Variants in UNC13C observed in about 807,000 individuals in gnomAD.
UNC13C encodes the protein protein unc-13 homolog C.
UNC13C carries 174 observed loss-of-function variants against 245.4 expected under a neutral mutation model. That is an observed-to-expected ratio of 0.71 (90% CI 0.63 to 0.80). UNC13C has a LOEUF of 0.80. UNC13C is among the 30% of genes least tolerant of loss of function. The pLI, the probability that UNC13C is intolerant of heterozygous loss-of-function variation, is 0.00. For synonymous variants in UNC13C, 992 were observed against 895.1 expected (o/e 1.11, Z -1.93); for missense variants, 2,829 against 2,602.9 (o/e 1.09, Z -1.89).
At chr15:53,901,272 T>G in the UNC13C span, among the ~76,000 whole-genome samples, 6 of 148,096 alleles carry the variant, frequency 4.1e-5, no homozygotes, top group Non-Finnish European at 8.9e-5. Context: ...CAGGCTGGAG[T>G]GCAGTGGCAC....
chr15:54,563,398 CA>C (rs1758017464), intron 29 of UNC13C, among the ~76,000 whole-genome samples: 2 of 152,014 alleles, frequency 1.3e-5, no homozygotes, highest in African/African-American at 4.8e-5. Context: ...TGAGAGGTTA[CA>C]AATTCTTTTC....
chr15:54,168,283 AT>A (rs748834359), intron 4 of UNC13C, among the ~76,000 whole-genome samples: 1 of 152,210 alleles, frequency 6.6e-6, no homozygotes, highest in Non-Finnish European at 1.5e-5. Flanking sequence ...TTCTAAAAAA[AT>A]ATCACTTTGA....
chr15:53,967,859 T>C, the UNC13C span: 2 of 152,224 alleles, frequency 1.3e-5, no homozygotes, highest in Admixed American at 1.3e-4. Flanking sequence ...CCAACTGTGA[T>C]GCTTTGTTTT....
chr15:54,132,454 C>T (rs1183984129), intron 2 of UNC13C, among the ~76,000 whole-genome samples: 1 of 152,126 alleles, frequency 6.6e-6, no homozygotes, highest in Non-Finnish European at 1.5e-5. Context: ...CATTAATCTC[C>T]CAGCACTCAT....
downstream of UNC13C, chr15:54,629,553 ATT>A (rs2141329337): frequency 6.6e-6 from 1 of 152,294 alleles, no homozygotes; most frequent in South Asian, 2.1e-4. Flanking sequence ...CTACCTATAT[ATT>A]GCTAAATACC....
chr15:54,132,069 TTTTTC>T (rs2141216250), intron 2 of UNC13C, among the ~76,000 whole-genome samples: 1 of 13,582 alleles, frequency 7.4e-5, no homozygotes, highest in African/African-American at 1.1e-4. Context: ...AGTTTTTTTC[TTTTTC>T]TTTTTTTTTT....
At chr15:54,391,788 A>G (rs1374051733) in intron 17 of UNC13C, among the ~76,000 whole-genome samples, 2 of 152,160 alleles carry the variant, frequency 1.3e-5, no homozygotes, top group Non-Finnish European at 1.5e-5. Flanking sequence ...TTATAGTCTA[A>G]GAATAGAGGT....
Position 54,622,386 on chromosome 15 carries a change from C to T in UNC13C, c.6166C>T (p.Pro2056Ser), listed in dbSNP as rs541324087. The change falls in exon 31 of 33, where the codon CCA becomes TCA. Residue 2056 changes from proline (P) to serine (S), a missense_variant. Transcript: ENST00000260323. ...ISVHVDITAT[P>S]GTGDHKVTVK... ...TGTTCATGTGGACATCACTGCCACC[C>T]CAGGAACGGGAGATCATAAAGTCAC... is the stretch of plus-strand genomic sequence containing the variant. The T allele has an allele frequency of 2.5e-5, 40 of 1,613,142 alleles. No homozygotes were observed. The South Asian group carries it at 4.4e-4, about 18-fold the overall frequency.
At chr15:54,518,490 A>C (rs555044424) in intron 24 of UNC13C, among the ~76,000 whole-genome samples, 7 of 152,228 alleles carry the variant, frequency 4.6e-5, no homozygotes, top group Non-Finnish European at 1.0e-4. Flanking sequence ...AGACGGCTTC[A>C]CTTTAACTGC....
chr15:54,296,291 C>T (rs2037428600), intron 11 of UNC13C, among the ~76,000 whole-genome samples: 1 of 152,094 alleles, frequency 6.6e-6, no homozygotes, highest in Non-Finnish European at 1.5e-5. Context: ...AGCTCCGCCT[C>T]CCAGGTTCAC....
At chr15:53,843,856 T>C in the UNC13C span, among the ~76,000 whole-genome samples, 1 of 152,176 alleles carries the variant, frequency 6.6e-6, no homozygotes, top group Non-Finnish European at 1.5e-5. Flanking sequence ...TGAGAGGCTC[T>C]ATTTCAGTGG....
intron 19 of UNC13C, among the ~76,000 whole-genome samples, chr15:54,491,514 T>C (rs1351967596): frequency 6.6e-6 from 1 of 152,340 alleles, no homozygotes; most frequent in Admixed American, 6.5e-5. Flanking sequence ...TGTTTTTAAA[T>C]AAATGTATGC....
chr15:54,201,608 C>G (rs2034525021), intron 4 of UNC13C, among the ~76,000 whole-genome samples: 1 of 151,750 alleles, frequency 6.6e-6, no homozygotes, highest in African/African-American at 2.4e-5. Context: ...TCGATGAAAT[C>G]TAGGATCATT....
chr15:54,586,661 C>T (rs1002942584), intron 30 of UNC13C, among the ~76,000 whole-genome samples: 1 of 152,190 alleles, frequency 6.6e-6, no homozygotes, highest in African/African-American at 2.4e-5. Context: ...AGTTGAGCTT[C>T]TTATTTTTAG....
chr15:53,989,507 T>G (rs1163291202), intron 1 of UNC13C, among the ~76,000 whole-genome samples: 1 of 152,086 alleles, frequency 6.6e-6, no homozygotes, highest in Non-Finnish European at 1.5e-5. Flanking sequence ...TTACCTATTT[T>G]GCCATTAAAT....
intron 4 of UNC13C, among the ~76,000 whole-genome samples, chr15:54,171,455 C>T (rs1297062951): frequency 1.3e-5 from 2 of 152,000 alleles, no homozygotes; most frequent in Non-Finnish European, 2.9e-5. Context: ...TCTGAATAGA[C>T]ATCTCTTAAA....
At chr15:53,998,151 A>G (rs1455201130) in intron 1 of UNC13C, among the ~76,000 whole-genome samples, 1 of 152,040 alleles carries the variant, frequency 6.6e-6, no homozygotes, top group Non-Finnish European at 1.5e-5. Flanking sequence ...GAATCTTTCC[A>G]TTTCCATATA....
intron 17 of UNC13C, among the ~76,000 whole-genome samples, chr15:54,391,637 AG>A (rs1296036153): frequency 6.6e-6 from 1 of 152,120 alleles, no homozygotes. Context: ...GGATATTTGA[AG>A]TATTTTGTGT....
intron 19 of UNC13C, among the ~76,000 whole-genome samples, chr15:54,476,519 C>G (rs1424750439): frequency 6.6e-6 from 1 of 151,782 alleles, no homozygotes. Flanking sequence ...TTTCAGCTTT[C>G]TACATATGGC....
Sources: gnomAD v4.1 joint callset for allele counts (sites outside exome capture counted in the v4.1 genomes callset) on GRCh38, gnomAD v4.1.1 for gene constraint, MANE v1.5 for transcripts, NCBI Gene and HGNC (gene_info 2026-07-23, HGNC 2026-07-21) for gene names.